Variants in SLC12A8 observed in about 807,000 individuals in gnomAD.
SLC12A8 encodes cation-chloride cotransporter 9.
SLC12A8 carries 69 observed loss-of-function variants against 75.6 expected under a neutral mutation model. That is an observed-to-expected ratio of 0.91 (90% CI 0.75 to 1.11). SLC12A8 has a LOEUF of 1.11. Among genes scored for constraint, SLC12A8 ranks in the 50% most tolerant of loss-of-function variants. The pLI is 0.00. For synonymous variants in SLC12A8, 365 were observed against 372.8 expected (o/e 0.98, Z 0.24); for missense variants, 877 against 896.7 (o/e 0.98, Z 0.28).
chr3:125,200,973 T>C (rs1411826529), intron 2 of SLC12A8, among the ~76,000 whole-genome samples: 1 of 152,202 alleles, frequency 6.6e-6, no homozygotes, highest in African/African-American at 2.4e-5. Flanking sequence ...ATGGATGTGA[T>C]TTACCGGATA....
chr3:125,206,608 A>G (rs1579548457), intron 2 of SLC12A8: 1 of 152,276 alleles, frequency 6.6e-6, no homozygotes, highest in Non-Finnish European at 1.5e-5. Flanking sequence ...AGGAAAAGAC[A>G]GAGAAAAAGT....
chr3:125,107,711 T>C lies in SLC12A8; in HGVS notation c.1475A>G (p.Lys492Arg), dbSNP rs745641682. The change falls in exon 10 of 14, where the codon AAA (lysine) becomes AGA (arginine). Residue 492 changes from lysine (K) to arginine (R), a missense_variant. Lys to Arg is a conservative substitution (Grantham distance 26). Transcript: ENST00000469902. ...GGTCTGCTTGGTGGCCTTCTTGCTT[T>C]TCCTCTTCTGACTTTCTGGGGTCCT... is the stretch of plus-strand genomic sequence containing the variant. ...GNRTPESQKR[K>R]SKKATKQTLQ... 2 of 1,614,142 alleles carry C rather than the reference T, an allele frequency of 1.2e-6. No homozygotes were observed. Among genetic ancestry groups the C allele is most frequent in the Admixed American group, 1.7e-5 (1 of 60,016 alleles).
At chr3:125,184,859 T>C (rs963480229) in intron 4 of SLC12A8, among the ~76,000 whole-genome samples, 3 of 152,060 alleles carry the variant, frequency 2.0e-5, no homozygotes, top group Non-Finnish European at 4.4e-5. Flanking sequence ...ATTAGTTCTT[T>C]GTAAACACAC....
At chr3:125,118,524 C>T (rs567137733) in intron 8 of SLC12A8, among the ~76,000 whole-genome samples, 2 of 152,078 alleles carry the variant, frequency 1.3e-5, no homozygotes, top group East Asian at 1.9e-4. Flanking sequence ...AGCTACCTGG[C>T]GGTCTGAGAC....
At chr3:125,195,532 T>C (rs558352367) in intron 2 of SLC12A8, among the ~76,000 whole-genome samples, 1 of 152,312 alleles carries the variant, frequency 6.6e-6, no homozygotes, top group Admixed American at 6.5e-5. Flanking sequence ...CAGTCTCTTC[T>C]ACCACAGAGC....
chr3:125,201,989 C>T (rs956657106), intron 2 of SLC12A8, among the ~76,000 whole-genome samples: 1 of 152,124 alleles, frequency 6.6e-6, no homozygotes, highest in Non-Finnish European at 1.5e-5. Context: ...CTCACTGCAA[C>T]CTCCGCCTCC....
chr3:125,200,237 C>G (rs1397066667), intron 2 of SLC12A8, among the ~76,000 whole-genome samples: 1 of 152,114 alleles, frequency 6.6e-6, no homozygotes, highest in Non-Finnish European at 1.5e-5. Context: ...TCGCTTGAGT[C>G]CAGGAGTTTG....
At chr3:125,149,447 T>TGCTGGCCAGGGGTGATGGGGACC (rs1406345654) in intron 5 of SLC12A8, among the ~76,000 whole-genome samples, 1 of 152,210 alleles carries the variant, frequency 6.6e-6, no homozygotes, top group Non-Finnish European at 1.5e-5. Context: ...GCATGCCTGC[T>TGCTGGCCAGGGGTGATGGGGACC]GCTGGCCAGG....
chr3:125,097,222 TA>T (rs10707707), intron 10 of SLC12A8, among the ~76,000 whole-genome samples: 66,307 of 151,156 alleles, frequency 0.44, 15,088 homozygotes, highest in Middle Eastern at 0.63. Flanking sequence ...CCGTCTCTAC[TA>T]AAAAAAATAC....
At chr3:125,127,603 A>G (rs1933240869) in intron 6 of SLC12A8, among the ~76,000 whole-genome samples, 1 of 152,242 alleles carries the variant, frequency 6.6e-6, no homozygotes. Context: ...CTTTGGAAGG[A>G]GCTCACGCAA....
intron 2 of SLC12A8, among the ~76,000 whole-genome samples, chr3:125,203,405 A>G (rs2107803807): frequency 6.6e-6 from 1 of 152,320 alleles, no homozygotes; most frequent in East Asian, 1.9e-4. Context: ...AAACCAAAGG[A>G]ACAGAATAGA....
intron 5 of SLC12A8, among the ~76,000 whole-genome samples, chr3:125,166,826 G>A (rs972055769): frequency 1.3e-5 from 2 of 152,206 alleles, no homozygotes; most frequent in Non-Finnish European, 1.5e-5. Context: ...TCAAGTGAAA[G>A]GATCCATGCG....
chr3:125,202,384 T>A (rs1377462084), intron 2 of SLC12A8, among the ~76,000 whole-genome samples: 2 of 152,332 alleles, frequency 1.3e-5, no homozygotes, highest in Middle Eastern at 3.4e-3. Flanking sequence ...AGCCAGGGTG[T>A]TCAATCAGGC....
intron 6 of SLC12A8, among the ~76,000 whole-genome samples, chr3:125,133,205 T>C (rs915250316): frequency 1.3e-5 from 2 of 152,122 alleles, no homozygotes; most frequent in Non-Finnish European, 2.9e-5. Flanking sequence ...TAAAGATGAT[T>C]AAAGTTATTG....
At chr3:125,177,640 C>T (rs1934562686) in intron 5 of SLC12A8, 103 bp downstream of exon 5, 2 of 865,816 alleles carry the variant, frequency 2.3e-6, no homozygotes, top group African/African-American at 3.3e-5. Context: ...TAGGTAAAGC[C>T]TATGGGGGTT....
intron 11 of SLC12A8, 36 bp downstream of exon 11, chr3:125,092,065 C>A: frequency 1.3e-6 from 2 of 1,487,934 alleles, no homozygotes; most frequent in South Asian, 2.3e-5. Flanking sequence ...TGAACTCTGT[C>A]CCAAGAACAA....
intron 10 of SLC12A8, among the ~76,000 whole-genome samples, chr3:125,105,731 TA>T (rs1939004848): frequency 6.6e-6 from 1 of 152,126 alleles, no homozygotes; most frequent in African/African-American, 2.4e-5. Flanking sequence ...CAGAGTGGCA[TA>T]TAAGAGTTAA....
intron 12 of SLC12A8, among the ~76,000 whole-genome samples, chr3:125,090,395 C>T (rs1028409599): frequency 2.0e-5 from 3 of 152,106 alleles, no homozygotes; most frequent in Non-Finnish European, 2.9e-5. Context: ...ATATATTCTG[C>T]TGTTTTGGGG....
chr3:125,189,526 T>C (rs1477203742), intron 3 of SLC12A8, among the ~76,000 whole-genome samples: 1 of 152,096 alleles, frequency 6.6e-6, no homozygotes, highest in Non-Finnish European at 1.5e-5. Flanking sequence ...TTTTCAGAAC[T>C]CTCCTAATGC....
Sources: allele counts gnomAD v4.1 joint callset (sites outside exome capture counted in the v4.1 genomes callset), GRCh38; gene constraint gnomAD v4.1.1; transcripts MANE v1.5; gene names NCBI Gene and HGNC (gene_info 2026-07-23, HGNC 2026-07-21).